CTNNA2: variants seen among roughly 807,000 people sequenced by gnomAD.
The protein encoded by CTNNA2 is catenin alpha-2.
Under a neutral mutation model 101.0 loss-of-function variants are expected in CTNNA2, and 42 were observed. That is an observed-to-expected ratio of 0.42 (90% CI 0.32 to 0.54). The LOEUF is 0.54. Among genes scored for constraint, CTNNA2 ranks in the 20% least tolerant of loss-of-function variants. The probability of loss-of-function intolerance (pLI) is 0.14; values close to 1 mark genes in which losing one functional copy is unlikely to be tolerated. For synonymous variants in CTNNA2, 450 were observed against 456.4 expected, an observed-to-expected ratio of 0.99 and a Z score of 0.18; for missense variants, 871 against 1,223.1, an observed-to-expected ratio of 0.71 and a Z score of 4.29.
chr2:80,504,533 G>A (rs1480315954), intron 9 of CTNNA2, among the ~76,000 whole-genome samples: 1 of 152,120 alleles, frequency 6.6e-6, no homozygotes, highest in Non-Finnish European at 1.5e-5. Flanking sequence ...CAGAGTGCGG[G>A]AACCTTGGGG....
At chr2:80,042,327 A>C (rs1053160257) in intron 7 of CTNNA2, among the ~76,000 whole-genome samples, 16 of 152,100 alleles carry the variant, frequency 1.1e-4, no homozygotes, top group African/African-American at 3.1e-4. Context: ...AACCATTCTT[A>C]ATGATCTGGT....
At chr2:79,375,618 T>C (rs1241639222) in intron 4 of CTNNA2, among the ~76,000 whole-genome samples, 1 of 152,114 alleles carries the variant, frequency 6.6e-6, no homozygotes, top group Non-Finnish European at 1.5e-5. Flanking sequence ...CTGTTAAAAA[T>C]ACTCTATACT....
At chr2:79,904,357 T>C (rs1403175487) in intron 6 of CTNNA2, among the ~76,000 whole-genome samples, 1 of 152,180 alleles carries the variant, frequency 6.6e-6, no homozygotes, top group Non-Finnish European at 1.5e-5. Flanking sequence ...ATGATTATAC[T>C]CTCAGTTATC....
At chr2:79,617,960 A>G (rs1051602632) in intron 1 of CTNNA2, among the ~76,000 whole-genome samples, 3 of 152,204 alleles carry the variant, frequency 2.0e-5, no homozygotes. Context: ...TGTCTCTGCA[A>G]CCAGAGACGA....
intron 1 of CTNNA2, among the ~76,000 whole-genome samples, chr2:79,558,573 T>C (rs1396714942): frequency 6.6e-6 from 1 of 151,866 alleles, no homozygotes; most frequent in Non-Finnish European, 1.5e-5. Flanking sequence ...AGGGCCTCAG[T>C]TCCTTATAGA....
intron 1 of CTNNA2, among the ~76,000 whole-genome samples, chr2:79,576,676 T>C (rs1675821783): frequency 6.6e-6 from 1 of 152,190 alleles, no homozygotes; most frequent in Admixed American, 6.5e-5. Context: ...TGTTTGCTTT[T>C]CTCTCATGCT....
At chr2:80,075,571 AAATAATATTT>A (rs1698631969) in intron 7 of CTNNA2, among the ~76,000 whole-genome samples, 1 of 132,190 alleles carries the variant, frequency 7.6e-6, no homozygotes, top group African/African-American at 2.9e-5. Context: ...AAATATTATA[AAATAATATTT>A]ATACATGTAT....
chr2:80,319,220 T>C (rs1678441520), intron 7 of CTNNA2, among the ~76,000 whole-genome samples: 2 of 152,198 alleles, frequency 1.3e-5, no homozygotes, highest in Admixed American at 6.5e-5. Context: ...TTTAAATTCA[T>C]CAACTACTTT....
chr2:80,094,666 T>A (rs559045475), intron 7 of CTNNA2, among the ~76,000 whole-genome samples: 1 of 152,298 alleles, frequency 6.6e-6, no homozygotes, highest in South Asian at 2.1e-4. Flanking sequence ...TTTGTTTGTA[T>A]CCTCTTTTAT....
At chr2:80,243,442 T>A (rs983441062) in intron 7 of CTNNA2, among the ~76,000 whole-genome samples, 5 of 152,122 alleles carry the variant, frequency 3.3e-5, no homozygotes, top group Admixed American at 3.3e-4. Flanking sequence ...CACTCTCATC[T>A]CCAGGCAACG....
chr2:80,634,355 C>A (rs929778079), intron 18 of CTNNA2, among the ~76,000 whole-genome samples: 2 of 152,010 alleles, frequency 1.3e-5, no homozygotes, highest in African/African-American at 4.8e-5. Flanking sequence ...AGGGAGCAAG[C>A]CTTACAGGTA....
At chr2:79,336,545 G>A (rs1489193049) in intron 3 of CTNNA2, among the ~76,000 whole-genome samples, 1 of 152,314 alleles carries the variant, frequency 6.6e-6, no homozygotes, top group East Asian at 1.9e-4. Flanking sequence ...ACTCATATGA[G>A]TCTAATTCAT....
chr2:79,406,714 G>A (rs184973620), intron 4 of CTNNA2, among the ~76,000 whole-genome samples: 2 of 152,010 alleles, frequency 1.3e-5, no homozygotes, highest in East Asian at 3.9e-4. Context: ...TCAAATCTTT[G>A]AGTTAATGTT....
intron 7 of CTNNA2, among the ~76,000 whole-genome samples, chr2:79,940,976 G>C (rs1274489664): frequency 1.3e-5 from 2 of 152,120 alleles, no homozygotes; most frequent in Non-Finnish European, 2.9e-5. Flanking sequence ...CATGCATACT[G>C]CTTTATCCCA....
At chr2:80,577,644 AC>A (rs1158179527) in intron 13 of CTNNA2, among the ~76,000 whole-genome samples, 49 of 132,780 alleles carry the variant, frequency 3.7e-4, no homozygotes, top group African/African-American at 1.4e-3. Flanking sequence ...GCCAGGCCAG[AC>A]TTGCTGGTCG....
chr2:79,328,329 A>G (rs1676793566), intron 3 of CTNNA2, among the ~76,000 whole-genome samples: 1 of 152,216 alleles, frequency 6.6e-6, no homozygotes, highest in Non-Finnish European at 1.5e-5. Flanking sequence ...AAGAGCATAC[A>G]GAAGCATAAG....
chr2:79,280,947 C>T (rs757005808), intron 2 of CTNNA2, among the ~76,000 whole-genome samples: 2 of 152,194 alleles, frequency 1.3e-5, no homozygotes, highest in Middle Eastern at 3.4e-3. Flanking sequence ...TCTGTTTGCA[C>T]TCTACATCTC....
chr2:80,132,172 C>T (rs965280441), intron 7 of CTNNA2, among the ~76,000 whole-genome samples: 17 of 152,044 alleles, frequency 1.1e-4, no homozygotes, highest in Admixed American at 1.3e-4. Context: ...GAAGTGAAGA[C>T]GTCTTAGCAC....
intron 4 of CTNNA2, among the ~76,000 whole-genome samples, chr2:79,430,246 T>C (rs1678645545): frequency 1.3e-5 from 2 of 152,276 alleles, no homozygotes; most frequent in South Asian, 2.1e-4. Context: ...CAAATGTTCT[T>C]GCTTCAAAGG....
Sources: allele counts gnomAD v4.1 joint callset (sites outside exome capture counted in the v4.1 genomes callset), GRCh38; gene constraint gnomAD v4.1.1; transcripts MANE v1.5; gene names NCBI Gene and HGNC (gene_info 2026-07-23, HGNC 2026-07-21).